The following SLC28A2 variants were observed in gnomAD, a reference collection of about 807,000 sequenced individuals.
The protein encoded by SLC28A2 is solute carrier family 28 member 2.
A neutral mutation model predicts 72.9 loss-of-function variants in SLC28A2; 69 were observed. The observed-to-expected ratio is 0.95, with a 90% CI of 0.78 to 1.16. The LOEUF (loss-of-function observed/expected upper bound fraction) is 1.16. Among genes scored for constraint, SLC28A2 ranks in the 50% most tolerant of loss-of-function variants. SLC28A2 has a pLI of 0.00. For missense variants in SLC28A2, 745 were observed against 791.1 expected (o/e 0.94, Z 0.70); for synonymous variants, 296 against 294.1 (o/e 1.01, Z -0.07).
chr15:45,261,008 G>T (rs1347025374), intron 3 of SLC28A2, among the ~76,000 whole-genome samples: 3 of 152,168 alleles, frequency 2.0e-5, no homozygotes, highest in African/African-American at 7.2e-5. Context: ...GATGGGAGGG[G>T]CAGCCATGGA....
Position 45,265,626 on chromosome 15 carries a change from TCTA to T in SLC28A2, c.829_831del (p.Tyr277del). The T allele has an allele frequency of 6.2e-7, 1 of 1,613,842 alleles. No homozygotes were observed. Among genetic ancestry groups the T allele is most frequent in the East Asian group, 2.2e-5 (1 of 44,882 alleles). On this transcript the variant is annotated inframe_deletion, in exon 9 of 18. Coordinates refer to ENST00000347644, the MANE Select transcript of SLC28A2 (RefSeq NM_004212.4). ...TTCTTTGGATGTGTGGTGTCCATTC[TCTA>T]CTACCTGGGCCTTGTGCAATGGGTA...
chr15:45,266,363 ATACT>A (rs1369362204), intron 10 of SLC28A2, among the ~76,000 whole-genome samples: 2 of 152,152 alleles, frequency 1.3e-5, no homozygotes, highest in Non-Finnish European at 2.9e-5. Context: ...TTCCCTGGTA[ATACT>A]TAATCTGGAG....
intron 9 of SLC28A2, 143 bp downstream of exon 9, chr15:45,265,806 T>C: frequency 1.4e-6 from 1 of 695,644 alleles, no homozygotes; most frequent in Non-Finnish European, 2.6e-6. Context: ...GATAGCAAAC[T>C]GTCAGCCGAG....
At chr15:45,273,718 T>C (rs772047138) in intron 17 of SLC28A2, among the ~76,000 whole-genome samples, 1 of 152,152 alleles carries the variant, frequency 6.6e-6, no homozygotes, top group Non-Finnish European at 1.5e-5. Flanking sequence ...GAATTGATAC[T>C]AAGTGGTTGT....
intron 17 of SLC28A2, among the ~76,000 whole-genome samples, chr15:45,273,153 CCT>C (rs1258442471): frequency 6.6e-6 from 1 of 151,946 alleles, no homozygotes; most frequent in Non-Finnish European, 1.5e-5. Flanking sequence ...ATAGCGAGAC[CCT>C]GTCTCTATTT....
At position 45,275,273 on chromosome 15, in the gene SLC28A2, G is replaced by A. The variant is rs552403558; in HGVS notation, c.1860-123G>A. 247 of 662,952 alleles carry A rather than the reference G, an allele frequency of 3.7e-4. 1 individual carries two copies. Among genetic ancestry groups the A allele is most frequent in the Middle Eastern group, 1.0e-3 (4 of 3,918 alleles). The allele number at this position is 662,952 out of a possible 1,614,324, so 41.1% of individuals were successfully genotyped here. A position where few individuals can be genotyped will look rare whatever the true frequency, so the allele number is the denominator to read the frequency against. ...ACATAATTGGGTTCTATTTGGTCAT[G>A]GCTGATGGGTCAATTTACAGGTTTT... On this transcript the variant is annotated intron_variant, in intron 17 of 17. Transcript: ENST00000347644.
intron 3 of SLC28A2, among the ~76,000 whole-genome samples, chr15:45,259,401 G>A (rs537606051): frequency 6.6e-6 from 1 of 152,040 alleles, no homozygotes; most frequent in South Asian, 2.1e-4. Context: ...GAACTATTGG[G>A]CTCAAGTGAT....
intron 10 of SLC28A2, 34 bp downstream of exon 10, chr15:45,266,195 T>C: frequency 7.0e-7 from 1 of 1,433,372 alleles, no homozygotes; most frequent in Non-Finnish European, 9.8e-7. Context: ...TCTTCTTCCC[T>C]CTGAGGAACT....
chr15:45,252,630 A>G (rs1899827221), intron 1 of SLC28A2, among the ~76,000 whole-genome samples: 1 of 152,242 alleles, frequency 6.6e-6, no homozygotes, highest in Admixed American at 6.5e-5. Flanking sequence ...CATACTAATT[A>G]TTTTAAATGT....
chr15:45,265,580 C>G lies in SLC28A2; in HGVS notation c.781-3C>G, dbSNP rs1167274697. ...TCACCACCTGCTACCATTCTCATTA[C>G]AGGCCTTACCAATCATCATTTTCTT... On this transcript the variant is annotated splice_polypyrimidine_tract_variant and splice_region_variant and intron_variant, in intron 8 of 17. Transcript: ENST00000347644. 6.2e-7 allele frequency: 1 copy of G among 1,608,266 alleles called. No individual in the cohort carries two copies. The highest frequency in any genetic ancestry group is 8.5e-7 in the Non-Finnish European group (1 of 1,174,804).
chr15:45,269,248 G>T, intron 13 of SLC28A2, 90 bp from the exon 14 acceptor site: 1 of 1,011,702 alleles, frequency 9.9e-7, no homozygotes, highest in Non-Finnish European at 1.5e-6. Flanking sequence ...GGGTGGAAGA[G>T]ATTGGGCCAA....
In SLC28A2 at chr15:45,267,516, C is replaced by A. The variant is rs200711174; in HGVS notation, c.1004C>A (p.Ala335Glu). ...LGDMTLSEIH[A>E]VMTGGFATIS... ...GACATGACACTCTCTGAAATCCATG[C>A]GGTGATGACTGGAGGGTTTGCCACC... The change falls in exon 11 of 18, where the codon GCG (alanine) becomes GAG (glutamate). Residue 335 changes from alanine to glutamate, a missense_variant. By Grantham distance (107) the Ala-to-Glu change is moderately radical (BLOSUM62 -1). Transcript: ENST00000347644. 1 of 1,614,124 alleles carries A rather than the reference C, an allele frequency of 6.2e-7. No individual in the cohort carries two copies. The highest frequency in any genetic ancestry group is 8.5e-7 in the Non-Finnish European group (1 of 1,179,994).
At chr15:45,257,148 C>T (rs571012825) in intron 3 of SLC28A2, among the ~76,000 whole-genome samples, 8 of 152,292 alleles carry the variant, frequency 5.3e-5, no homozygotes, top group Non-Finnish European at 1.0e-4. Context: ...GTACTGTCTT[C>T]ATTTTTTGTC....
intron 17 of SLC28A2, 26 bp downstream of exon 17, chr15:45,272,810 C>A: frequency 1.6e-6 from 2 of 1,220,416 alleles, no homozygotes; most frequent in Non-Finnish European, 2.4e-6. Context: ...CCATTCCTTT[C>A]TCTCACACAC....
chr15:45,272,893 CCT>C, intron 17 of SLC28A2, 109 bp downstream of exon 17: 1 of 638,590 alleles, frequency 1.6e-6, no homozygotes, highest in Non-Finnish European at 2.8e-6. Context: ...TTGGTAATGG[CCT>C]AGATCAGTGT....
In SLC28A2 at chr15:45,254,510, G is replaced by A. The variant is rs532529561; in HGVS notation, c.170+990G>A. Among the ~76,000 whole-genome samples the A allele has an allele frequency of 2.0e-5, 3 of 152,290 alleles. No individual in the cohort carries two copies. The East Asian group carries it at 5.8e-4, about 29-fold the overall frequency. ...CATGCTGAACAGATTTGCAGCCTAA[G>A]AATAATAGGATCCACCATATAGCTT... is the stretch of plus-strand genomic sequence containing the variant. On this transcript the variant is annotated intron_variant, in intron 3 of 17. Coordinates refer to ENST00000347644, the MANE Select transcript of SLC28A2 (RefSeq NM_004212.4).
At chr15:45,270,459 C>A (rs927504642) in intron 15 of SLC28A2, among the ~76,000 whole-genome samples, 183 bp downstream of exon 15, 1 of 152,152 alleles carries the variant, frequency 6.6e-6, no homozygotes, top group African/African-American at 2.4e-5. Flanking sequence ...CTAATGCATA[C>A]AGCCCTTTAT....
At chr15:45,272,120 A>C (rs1900591164) in intron 15 of SLC28A2, 175 bp from the exon 16 acceptor site, 2 of 587,468 alleles carry the variant, frequency 3.4e-6, no homozygotes, top group Non-Finnish European at 6.1e-6. Flanking sequence ...CCTCAGGACT[A>C]ATGTATACAC....
At chr15:45,264,090 G>T (rs758597232) in intron 6 of SLC28A2, 68 bp downstream of exon 6, 2 of 1,422,490 alleles carry the variant, frequency 1.4e-6, no homozygotes, top group Non-Finnish European at 1.9e-6. Context: ...ATCATAAAGC[G>T]TATGCATCAA....
Sources: gnomAD v4.1 joint callset for allele counts (sites outside exome capture counted in the v4.1 genomes callset) on GRCh38, gnomAD v4.1.1 for gene constraint, MANE v1.5 for transcripts, NCBI Gene and HGNC (gene_info 2026-07-23, HGNC 2026-07-21) for gene names.